CACNA2D3: variants seen among roughly 807,000 people sequenced by gnomAD.
CACNA2D3 encodes the protein calcium voltage-gated channel auxiliary subunit alpha2delta 3.
CACNA2D3 carries 60 observed loss-of-function variants against 160.6 expected under a neutral mutation model. That is an observed-to-expected ratio of 0.37 (90% confidence interval 0.30 to 0.46). The LOEUF (loss-of-function observed/expected upper bound fraction) is 0.46. Ranked by LOEUF, CACNA2D3 falls within the 20% of genes least tolerant of loss-of-function variation. CACNA2D3 has a pLI of 1.00. For missense variants in CACNA2D3, 1,205 were observed against 1,365.0 expected, an observed-to-expected ratio of 0.88 and a Z score of 1.85; for synonymous variants, 558 against 492.9, an observed-to-expected ratio of 1.13 and a Z score of -1.75.
chr3:54,432,976 A>AT (rs547495143), intron 4 of CACNA2D3, among the ~76,000 whole-genome samples: 3 of 151,974 alleles, frequency 2.0e-5, no homozygotes, highest in Admixed American at 6.5e-5. Flanking sequence ...TGGTGGAATT[A>AT]TTTTTTTAAA....
At chr3:54,743,142 C>G (rs966267375) in intron 11 of CACNA2D3, among the ~76,000 whole-genome samples, 1 of 152,210 alleles carries the variant, frequency 6.6e-6, no homozygotes, top group Non-Finnish European at 1.5e-5. Context: ...AGGTGGGTAA[C>G]TAATATTCGT....
chr3:54,506,318 C>A (rs1346972426), intron 5 of CACNA2D3, among the ~76,000 whole-genome samples: 2 of 152,144 alleles, frequency 1.3e-5, no homozygotes, highest in Non-Finnish European at 2.9e-5. Flanking sequence ...GGAAATCTTA[C>A]CCCCAGCGAA....
chr3:55,025,500 T>A (rs897190251), intron 35 of CACNA2D3, among the ~76,000 whole-genome samples: 4 of 151,822 alleles, frequency 2.6e-5, no homozygotes, highest in African/African-American at 9.7e-5. Context: ...GGCAGGGTGG[T>A]ATGCGCCTGT....
At chr3:54,720,010 T>C (rs1015909946) in intron 11 of CACNA2D3, among the ~76,000 whole-genome samples, 1 of 152,106 alleles carries the variant, frequency 6.6e-6, no homozygotes, top group African/African-American at 2.4e-5. Flanking sequence ...ATTTCCAATA[T>C]GATTAATTTA....
chr3:54,878,441 A>G (rs1699715319), intron 18 of CACNA2D3, among the ~76,000 whole-genome samples: 1 of 152,090 alleles, frequency 6.6e-6, no homozygotes, highest in East Asian at 1.9e-4. Flanking sequence ...GACCTCCAAA[A>G]AATCAGATAC....
intron 5 of CACNA2D3, among the ~76,000 whole-genome samples, chr3:54,529,061 C>T (rs1701767040): frequency 6.6e-6 from 1 of 152,118 alleles, no homozygotes; most frequent in African/African-American, 2.4e-5. Flanking sequence ...GCAAAAGTTC[C>T]AGAAGGAAAG....
At chr3:54,430,442 G>C (rs1342150009) in intron 4 of CACNA2D3, among the ~76,000 whole-genome samples, 2 of 152,140 alleles carry the variant, frequency 1.3e-5, no homozygotes, top group Non-Finnish European at 2.9e-5. Flanking sequence ...TGGATTATTT[G>C]GCTTTTGTGA....
At chr3:54,526,983 G>T (rs548629187) in intron 5 of CACNA2D3, among the ~76,000 whole-genome samples, 1 of 152,320 alleles carries the variant, frequency 6.6e-6, no homozygotes, top group East Asian at 1.9e-4. Context: ...GAGCCACCAC[G>T]TGGGGCCAGG....
chr3:54,564,796 G>A lies in CACNA2D3; in HGVS notation c.676+1865G>A, dbSNP rs1702383300. 2.0e-5 allele frequency among the ~76,000 whole-genome samples: 3 copies of A among 152,162 alleles called. No individual in the cohort carries two copies. In the South Asian group the frequency reaches 6.2e-4, roughly 32 times the overall value. Reference sequence around the variant, plus strand: ...CTTGTGGGGACATGCATTTGTCGTGGATTTTGTTTGCAAGGGACAGAAACA... The same window carrying A: ...CTTGTGGGGACATGCATTTGTCGTGAATTTTGTTTGCAAGGGACAGAAACA... On this transcript the variant is annotated intron_variant, in intron 6 of 37. Coordinates refer to ENST00000474759, the MANE Select transcript of CACNA2D3 (RefSeq NM_018398.3).
chr3:54,569,749 A>C (rs1173649019), intron 6 of CACNA2D3, 46 bp from the exon 7 acceptor site: 1 of 1,423,990 alleles, frequency 7.0e-7, no homozygotes, highest in Non-Finnish European at 9.7e-7. Context: ...GCTATGAATA[A>C]ATATTTGAAG....
chr3:54,168,612 G>C (rs1269583720), intron 2 of CACNA2D3, among the ~76,000 whole-genome samples: 1 of 152,126 alleles, frequency 6.6e-6, no homozygotes, highest in African/African-American at 2.4e-5. Flanking sequence ...GAGGTCAGCC[G>C]ACTTCTCAGC....
chr3:54,642,028 TA>T (rs2106846221), intron 10 of CACNA2D3, 99 bp from the exon 11 acceptor site: 1 of 671,992 alleles, frequency 1.5e-6, no homozygotes, highest in Non-Finnish European at 2.5e-6. Context: ...GCTGTCATTT[TA>T]AAAGGCTTCC....
chr3:54,966,237 G>C (rs1288546420), intron 27 of CACNA2D3, among the ~76,000 whole-genome samples: 1 of 152,108 alleles, frequency 6.6e-6, no homozygotes, highest in Non-Finnish European at 1.5e-5. Context: ...ACCATGGAAA[G>C]GCTACCCTGG....
intron 3 of CACNA2D3, among the ~76,000 whole-genome samples, chr3:54,342,262 T>G (rs1207786317): frequency 6.6e-6 from 1 of 152,182 alleles, no homozygotes; most frequent in Non-Finnish European, 1.5e-5. Flanking sequence ...CATGATTGCA[T>G]GTAAATAATA....
At chr3:54,453,720 G>C (rs981729807) in intron 4 of CACNA2D3, among the ~76,000 whole-genome samples, 3 of 152,152 alleles carry the variant, frequency 2.0e-5, no homozygotes, top group African/African-American at 7.2e-5. Flanking sequence ...TGTTAGGTAA[G>C]TTGTGTCCAT....
At chr3:54,878,599 A>G (rs1258161606) in intron 18 of CACNA2D3, 1 of 142,078 alleles carries the variant, frequency 7.0e-6, no homozygotes, top group African/African-American at 2.7e-5. Context: ...TCTTCTTTTT[A>G]ACTACTGTGT....
At chr3:54,402,811 A>T (rs1009952381) in intron 4 of CACNA2D3, among the ~76,000 whole-genome samples, 1 of 152,312 alleles carries the variant, frequency 6.6e-6, no homozygotes, top group Non-Finnish European at 1.5e-5. Flanking sequence ...TTTCCATCCA[A>T]CAGCAGCAGA....
intron 5 of CACNA2D3, among the ~76,000 whole-genome samples, chr3:54,523,539 CATAGAA>C (rs1701679582): frequency 6.6e-6 from 1 of 152,078 alleles, no homozygotes; most frequent in African/African-American, 2.4e-5. Context: ...TGATTGGGCT[CATAGAA>C]CGTATTGGGA....
intron 2 of CACNA2D3, among the ~76,000 whole-genome samples, chr3:54,268,269 G>A (rs376903358): frequency 7.2e-5 from 11 of 152,302 alleles, no homozygotes; most frequent in African/African-American, 2.4e-4. Context: ...TTCAGGGGTC[G>A]TTCGAGCTCT....
Sources: gnomAD v4.1 joint callset for allele counts (sites outside exome capture counted in the v4.1 genomes callset) on GRCh38, gnomAD v4.1.1 for gene constraint, MANE v1.5 for transcripts, NCBI Gene and HGNC (gene_info 2026-07-23, HGNC 2026-07-21) for gene names.